Variants in SYT1 observed in about 807,000 individuals in gnomAD.
SYT1 encodes synaptotagmin-1.
SYT1 carries 8 observed loss-of-function variants against 44.8 expected under a neutral mutation model. The ratio of observed to expected loss-of-function variants is 0.18; its 90% CI spans 0.10 to 0.32. SYT1 has a LOEUF of 0.32. Ranked by LOEUF, SYT1 falls within the 10% of genes least tolerant of loss-of-function variation. SYT1 has a pLI of 1.00. For synonymous variants in SYT1, 154 were observed against 188.8 expected (o/e 0.82, Z 1.51); for missense variants, 286 against 509.3 (o/e 0.56, Z 4.22).
At position 78,886,747 on chromosome 12, in the gene SYT1, C is replaced by T. The variant is rs562733159; in HGVS notation, c.-217+21638C>T. Among the ~76,000 whole-genome samples, 4 of 152,028 alleles carry T rather than the reference C, an allele frequency of 2.6e-5. No homozygotes were observed. The East Asian group carries it at 7.8e-4, about 30-fold the overall frequency. ...AAAGTAAACAGCCAAGAAAGACCCA[C>T]AAAATGCTTTTGGAGAAAAGTGTAT... On this transcript the variant is annotated intron_variant, in intron 1 of 10. Coordinates refer to ENST00000261205, the MANE Select transcript of SYT1 (RefSeq NM_005639.3).
chr12:78,936,692 A>G (rs893126755), intron 1 of SYT1, among the ~76,000 whole-genome samples: 1 of 152,166 alleles, frequency 6.6e-6, no homozygotes, highest in African/African-American at 2.4e-5. Context: ...ATGAACAAGC[A>G]AGGGACACTT....
intron 3 of SYT1, among the ~76,000 whole-genome samples, chr12:79,170,100 G>A (rs1380342568): frequency 6.6e-6 from 1 of 152,018 alleles, no homozygotes; most frequent in Non-Finnish European, 1.5e-5. Flanking sequence ...GTCTATCATT[G>A]ATGGGCATTT....
chr12:79,258,488 G>A (rs1877654406), intron 4 of SYT1, among the ~76,000 whole-genome samples: 2 of 152,176 alleles, frequency 1.3e-5, no homozygotes, highest in South Asian at 4.1e-4. Context: ...GGTAATTTGA[G>A]TGACAAATCA....
chr12:79,279,066 T>G (rs2895706), intron 4 of SYT1, among the ~76,000 whole-genome samples: 1 of 147,774 alleles, frequency 6.8e-6, no homozygotes, highest in Non-Finnish European at 1.5e-5. Context: ...GATGAATTCA[T>G]AGCCAAATTC....
At chr12:79,420,512 A>G in intron 9 of SYT1, among the ~76,000 whole-genome samples, 1 of 152,136 alleles carries the variant, frequency 6.6e-6, no homozygotes, top group Middle Eastern at 3.2e-3. Context: ...GACAGACAAT[A>G]TAACACTATC....
intron 1 of SYT1, among the ~76,000 whole-genome samples, chr12:78,937,327 C>T (rs1346410312): frequency 6.6e-6 from 1 of 152,076 alleles, no homozygotes; most frequent in East Asian, 1.9e-4. Flanking sequence ...CTCCTTTACT[C>T]TGCTATCCAC....
intron 3 of SYT1, among the ~76,000 whole-genome samples, chr12:79,111,483 G>A (rs952126042): frequency 5.3e-5 from 8 of 151,776 alleles, no homozygotes; most frequent in South Asian, 2.1e-4. Flanking sequence ...ATAATAAGTT[G>A]TAATAATTAT....
intron 3 of SYT1, among the ~76,000 whole-genome samples, chr12:79,098,030 T>G (rs1204502565): frequency 6.6e-6 from 1 of 152,108 alleles, no homozygotes; most frequent in Non-Finnish European, 1.5e-5. Context: ...TTTTGTTTTC[T>G]CCTAGTCTCT....
intron 3 of SYT1, among the ~76,000 whole-genome samples, chr12:79,183,783 C>G (rs1214234227): frequency 6.6e-6 from 1 of 152,068 alleles, no homozygotes; most frequent in South Asian, 2.1e-4. Context: ...AAGGGTCAAT[C>G]AATGCTTACT....
intron 1 of SYT1, among the ~76,000 whole-genome samples, chr12:78,885,257 G>A (rs985016934): frequency 6.7e-6 from 1 of 148,736 alleles, no homozygotes; most frequent in Non-Finnish European, 1.5e-5. Flanking sequence ...GAGAAGAAAG[G>A]GGGAAGGAGG....
At position 79,248,209 on chromosome 12, in the gene SYT1, G is replaced by T. The variant is rs1454628633; in HGVS notation, c.166+30524G>T. On this transcript the variant is annotated intron_variant, in intron 4 of 10. Transcript: ENST00000261205. ...GAATCCTCCATTAATGGAGAGTTGA[G>T]AAGATTATTTTTAGATCCAAAAGAC... Among the ~76,000 whole-genome samples the T allele has an allele frequency of 3.3e-5, 5 of 152,142 alleles. No homozygotes were observed. The East Asian group carries it at 7.7e-4, about 23-fold the overall frequency.
chr12:79,329,761 C>G (rs751707753), intron 8 of SYT1, among the ~76,000 whole-genome samples: 7 of 152,196 alleles, frequency 4.6e-5, no homozygotes, highest in Non-Finnish European at 1.0e-4. Flanking sequence ...CTGCAAACTC[C>G]TACTCTGTGT....
intron 1 of SYT1, among the ~76,000 whole-genome samples, chr12:78,913,101 AT>A (rs1328115270): frequency 6.6e-6 from 1 of 151,892 alleles, no homozygotes; most frequent in Non-Finnish European, 1.5e-5. Flanking sequence ...TTGATTTTCC[AT>A]TTAAAATTCT....
intron 8 of SYT1, among the ~76,000 whole-genome samples, chr12:79,308,612 AAAAGAAAGAAAG>A (rs199999817): frequency 0.22 from 29,634 of 134,054 alleles, 3,677 homozygotes; most frequent in Admixed American, 0.34. Context: ...GAAAGAAAGA[AAAAGAAAGAAAG>A]AAAGAAAGAA....
chr12:79,234,057 A>C (rs1876030820), intron 4 of SYT1, among the ~76,000 whole-genome samples: 1 of 152,018 alleles, frequency 6.6e-6, no homozygotes, highest in South Asian at 2.1e-4. Context: ...TTGGCTTCTG[A>C]TACTCAATTC....
At chr12:78,898,802 G>A (rs1355953009) in intron 1 of SYT1, among the ~76,000 whole-genome samples, 2 of 152,090 alleles carry the variant, frequency 1.3e-5, no homozygotes, top group South Asian at 2.1e-4. Context: ...TTCGCATGTA[G>A]AGAAATTATA....
At chr12:79,298,365 A>G (rs1284153018) in intron 7 of SYT1, among the ~76,000 whole-genome samples, 1 of 152,148 alleles carries the variant, frequency 6.6e-6, no homozygotes, top group Non-Finnish European at 1.5e-5. Flanking sequence ...AATAAATGAC[A>G]GAAAAGAAAA....
chr12:79,426,935 A>G (rs550122664), intron 9 of SYT1, among the ~76,000 whole-genome samples: 1 of 152,264 alleles, frequency 6.6e-6, no homozygotes, highest in Admixed American at 6.5e-5. Context: ...TGACGGTTTT[A>G]TAAGCATCTG....
chr12:78,985,434 A>G (rs1297328257), intron 2 of SYT1, among the ~76,000 whole-genome samples: 1 of 151,848 alleles, frequency 6.6e-6, no homozygotes, highest in Non-Finnish European at 1.5e-5. Context: ...AGCTGAATAC[A>G]TAGAATAATC....
Sources: gnomAD v4.1 joint callset for allele counts (sites outside exome capture counted in the v4.1 genomes callset) on GRCh38, gnomAD v4.1.1 for gene constraint, MANE v1.5 for transcripts, NCBI Gene and HGNC (gene_info 2026-07-23, HGNC 2026-07-21) for gene names.